The following ANK2 variants were observed in gnomAD, a reference collection of about 807,000 sequenced individuals.
ANK2 encodes the protein ankyrin 2.
ANK2 carries 83 observed loss-of-function variants against 360.5 expected under a neutral mutation model. That is an observed-to-expected ratio of 0.23 (90% CI 0.19 to 0.28). The LOEUF (loss-of-function observed/expected upper bound fraction) is 0.28. Ranked by LOEUF, ANK2 falls within the 10% of genes least tolerant of loss-of-function variation. ANK2 has a pLI of 1.00. For missense variants in ANK2, 4,201 were observed against 4,795.7 expected, an observed-to-expected ratio of 0.88 and a Z score of 3.66; for synonymous variants, 1,740 against 1,759.5, an observed-to-expected ratio of 0.99 and a Z score of 0.28.
chr4:113,059,639 T>G (rs796378982), intron 1 of ANK2, among the ~76,000 whole-genome samples: 24 of 152,234 alleles, frequency 1.6e-4, no homozygotes, highest in African/African-American at 5.8e-4. Context: ...TTGGCAACAC[T>G]TTCCACACAG....
chr4:113,052,866 G>T (rs1456385377), intron 1 of ANK2, among the ~76,000 whole-genome samples: 1 of 152,144 alleles, frequency 6.6e-6, no homozygotes, highest in African/African-American at 2.4e-5. Context: ...AGAGACTGGT[G>T]GCTCACTCTG....
chr4:113,317,312 T>C, intron 24 of ANK2: 1 of 252,594 alleles, frequency 4.0e-6, no homozygotes, highest in Non-Finnish European at 7.9e-6. Context: ...TTCCTCCTTA[T>C]ATTTTTCTTA....
At chr4:112,712,703 G>A in the ANK2 span, among the ~76,000 whole-genome samples, 5 of 152,008 alleles carry the variant, frequency 3.3e-5, no homozygotes, top group African/African-American at 1.2e-4. Flanking sequence ...CACTGCGCCC[G>A]GCCAAGATGT....
At chr4:113,056,925 A>G (rs1356115157) in intron 1 of ANK2, among the ~76,000 whole-genome samples, 1 of 152,204 alleles carries the variant, frequency 6.6e-6, no homozygotes, top group Non-Finnish European at 1.5e-5. Flanking sequence ...GTAGTCATTA[A>G]GACAAAGACC....
intron 1 of ANK2, among the ~76,000 whole-genome samples, chr4:112,841,321 C>G (rs2062032249): frequency 6.6e-6 from 1 of 152,064 alleles, no homozygotes; most frequent in Non-Finnish European, 1.5e-5. Flanking sequence ...GATTGGGTGT[C>G]TGAAGGCTTT....
At chr4:112,717,386 T>A in the ANK2 span, among the ~76,000 whole-genome samples, 1 of 152,226 alleles carries the variant, frequency 6.6e-6, no homozygotes, top group Non-Finnish European at 1.5e-5. Context: ...GTCTGCACTT[T>A]AACTTCATAA....
chr4:113,020,121 G>A (rs2057668071), intron 2 of ANK2, among the ~76,000 whole-genome samples: 1 of 152,106 alleles, frequency 6.6e-6, no homozygotes, highest in Admixed American at 6.5e-5. Context: ...ATTTTTTAAT[G>A]TAAATGTTTT....
rs748573794 is a variant in ANK2 at position 113,353,530 on chromosome 4, A to G, written c.4912A>G (p.Asn1638Asp). Residue 1638 changes from asparagine (N) to aspartate (D), a missense_variant, in exon 38 of 46, where the codon AAC becomes GAC. Coordinates refer to ENST00000357077, the MANE Select transcript of ANK2 (RefSeq NM_001148.6). ...AGAGAAAGACTCAACTGGGCTAGTGAACTACCTTACTGATGATCTGAATAC... is the reference window on the plus strand; with the variant it reads ...AGAGAAAGACTCAACTGGGCTAGTGGACTACCTTACTGATGATCTGAATAC... ...KVEKDSTGLV[N>D]YLTDDLNTCV... 9.3e-6 allele frequency: 15 copies of G among 1,613,948 alleles called. No individual in the cohort carries two copies. The Admixed American group carries it at 1.5e-4, about 16-fold the overall frequency.
chr4:113,363,609 TG>T, intron 40 of ANK2, 140 bp downstream of exon 40: 1 of 907,742 alleles, frequency 1.1e-6, no homozygotes. Flanking sequence ...AATATCATTT[TG>T]TTCAGTGTCA....
At chr4:113,010,468 G>A (rs2054347035) in intron 2 of ANK2, among the ~76,000 whole-genome samples, 1 of 152,108 alleles carries the variant, frequency 6.6e-6, no homozygotes, top group African/African-American at 2.4e-5. Context: ...CGTAGACTAT[G>A]CACCTGACAT....
chr4:113,087,169 A>C (rs1268366626), intron 1 of ANK2, among the ~76,000 whole-genome samples: 1 of 152,228 alleles, frequency 6.6e-6, no homozygotes, highest in East Asian at 1.9e-4. Flanking sequence ...ATGATGCCGA[A>C]ATGGGATTTG....
rs369917208 is a variant in ANK2, at chr4:113,339,269, G to A, written c.3840G>A (p.Thr1280=). Residue 1280 remains threonine (T), a synonymous_variant, in exon 32 of 46, where the codon ACG becomes ACA. Transcript: ENST00000357077. The part of the protein sequence containing the change: ...PAQWEDITGT[T]PLTFVNECVS... ...AGTGGGAAGATATTACAGGAACTAC[G>A]CCATTAACATTTGTCAATGAATGTG... 7 of 1,613,694 alleles carry A rather than the reference G, an allele frequency of 4.3e-6. No individual in the cohort carries two copies. Among genetic ancestry groups the A allele is most frequent in the East Asian group, 4.5e-5 (2 of 44,862 alleles).
At chr4:113,311,942 G>A (rs1331074422) in intron 24 of ANK2, among the ~76,000 whole-genome samples, 4 of 152,080 alleles carry the variant, frequency 2.6e-5, no homozygotes, top group Non-Finnish European at 4.4e-5. Flanking sequence ...AGAAACAATC[G>A]GAGCAAAATC....
At chr4:112,972,411 A>G (rs543107312) in intron 2 of ANK2, among the ~76,000 whole-genome samples, 1 of 151,976 alleles carries the variant, frequency 6.6e-6, no homozygotes, top group African/African-American at 2.4e-5. Flanking sequence ...GATCACTGCA[A>G]TTACTACTGT....
chr4:113,262,917 C>T lies in ANK2; in HGVS notation c.1387-1980C>T, dbSNP rs111399711. Among the ~76,000 whole-genome samples the T allele has an allele frequency of 7.5e-3, 1,137 of 151,806 alleles. 16 individuals carry two copies. Among genetic ancestry groups the T allele is most frequent in the African/African-American group, 0.012 (498 of 41,226 alleles). ...TAGAAGATTTTAGCCTTGCCGGGCA[C>T]GGTGGCTCACACCTGTAATCCCAGC... On this transcript the variant is annotated intron_variant, in intron 13 of 45. Transcript: ENST00000357077.
chr4:112,895,396 A>G (rs966040842), intron 1 of ANK2, among the ~76,000 whole-genome samples: 7 of 152,202 alleles, frequency 4.6e-5, no homozygotes, highest in African/African-American at 1.7e-4. Flanking sequence ...AGAAAAAATA[A>G]TCATTCAGAG....
At chr4:113,171,139 C>T (rs1463053677) in intron 1 of ANK2, among the ~76,000 whole-genome samples, 1 of 152,138 alleles carries the variant, frequency 6.6e-6, no homozygotes, top group Non-Finnish European at 1.5e-5. Flanking sequence ...CATGCTTTTC[C>T]TCCTACTTAT....
At chr4:113,302,890 G>A in intron 23 of ANK2, 51 bp downstream of exon 23, 3 of 1,495,542 alleles carry the variant, frequency 2.0e-6, no homozygotes. Context: ...CTTACACAAG[G>A]GCAAATTACC....
At chr4:113,025,174 T>C (rs1346498812) in intron 2 of ANK2, among the ~76,000 whole-genome samples, 2 of 152,178 alleles carry the variant, frequency 1.3e-5, no homozygotes, top group African/African-American at 4.8e-5. Context: ...CCAATTTTCC[T>C]TAAACATAAC....
Sources: allele counts gnomAD v4.1 joint callset (sites outside exome capture counted in the v4.1 genomes callset), GRCh38; gene constraint gnomAD v4.1.1; transcripts MANE v1.5; gene names NCBI Gene and HGNC (gene_info 2026-07-23, HGNC 2026-07-21).